MYO1E: variants seen among roughly 807,000 people sequenced by gnomAD.
The protein encoded by MYO1E is unconventional myosin-Ie.
In MYO1E, 68 loss-of-function variants were observed where a neutral mutation model predicts 151.1. The observed-to-expected ratio is 0.45, with a 90% CI of 0.37 to 0.55. The LOEUF is 0.55. Ranked by LOEUF, MYO1E falls within the 20% of genes least tolerant of loss-of-function variation. MYO1E has a pLI of 0.00. For missense variants in MYO1E, 1,363 were observed against 1,389.3 expected, an observed-to-expected ratio of 0.98 and a Z score of 0.30; for synonymous variants, 601 against 501.7, an observed-to-expected ratio of 1.20 and a Z score of -2.64.
chr15:59,339,393 T>C (rs547574742), intron 1 of MYO1E, among the ~76,000 whole-genome samples: 2 of 152,218 alleles, frequency 1.3e-5, no homozygotes, highest in South Asian at 2.1e-4. Flanking sequence ...AAATGTAAGA[T>C]AGCTTGGTTA....
At chr15:59,348,950 G>C (rs1287413394) in intron 1 of MYO1E, 5 of 152,188 alleles carry the variant, frequency 3.3e-5, no homozygotes, top group African/African-American at 9.7e-5. Context: ...ATCTTAATGA[G>C]ACACAAAAGC....
intron 18 of MYO1E, among the ~76,000 whole-genome samples, chr15:59,181,814 T>C (rs1490467238): frequency 6.6e-6 from 1 of 152,248 alleles, no homozygotes; most frequent in Non-Finnish European, 1.5e-5. Context: ...GGTATTAATA[T>C]ATCCTTTCCC....
chr15:59,334,838 A>G (rs1023485339), intron 1 of MYO1E, among the ~76,000 whole-genome samples: 1 of 152,160 alleles, frequency 6.6e-6, no homozygotes, highest in Non-Finnish European at 1.5e-5. Context: ...TGACTACAAG[A>G]ATGATTTACT....
chr15:59,221,971 G>C (rs575273897), intron 9 of MYO1E, among the ~76,000 whole-genome samples: 4 of 152,132 alleles, frequency 2.6e-5, no homozygotes, highest in Admixed American at 1.3e-4. Context: ...AAATGTCAAG[G>C]ATAATGTACA....
At chr15:59,248,206 G>A (rs68084852) in intron 4 of MYO1E, among the ~76,000 whole-genome samples, 24,329 of 149,012 alleles carry the variant, frequency 0.16, 2,671 homozygotes, top group East Asian at 0.53. Flanking sequence ...TCTATAGGCC[G>A]GGTGCGGTGG....
At chr15:59,252,713 T>C (rs2080172246) in intron 4 of MYO1E, among the ~76,000 whole-genome samples, 1 of 122,376 alleles carries the variant, frequency 8.2e-6, no homozygotes, top group African/African-American at 2.9e-5. Context: ...AGACTCTGTC[T>C]CAAAAAAAAA....
intron 5 of MYO1E, among the ~76,000 whole-genome samples, chr15:59,235,090 C>T (rs1030889836): frequency 6.6e-6 from 1 of 152,134 alleles, no homozygotes; most frequent in African/African-American, 2.4e-5. Context: ...ATTTTCACCT[C>T]TTGAGTATCC....
At chr15:59,277,374 G>A (rs1376392329) in intron 1 of MYO1E, among the ~76,000 whole-genome samples, 1 of 151,992 alleles carries the variant, frequency 6.6e-6, no homozygotes, top group Non-Finnish European at 1.5e-5. Flanking sequence ...GTGAAACCCT[G>A]TTTCTACTAA....
At chr15:59,234,468 A>G (rs550657275) in intron 5 of MYO1E, among the ~76,000 whole-genome samples, 1 of 152,198 alleles carries the variant, frequency 6.6e-6, no homozygotes, top group Non-Finnish European at 1.5e-5. Flanking sequence ...CAAAGGAGGA[A>G]TGTTTGGCTC....
chr15:59,216,150 T>G (rs890711123), intron 10 of MYO1E, among the ~76,000 whole-genome samples: 17 of 152,180 alleles, frequency 1.1e-4, no homozygotes, highest in African/African-American at 4.1e-4. Context: ...TCTTTTGGAT[T>G]GAATGGCCCC....
rs986244710 is a variant in MYO1E at position 59,157,311 on chromosome 15, C to A, written c.2878+976G>T. Among the ~76,000 whole-genome samples, 3 of 152,036 alleles carry A rather than the reference C, an allele frequency of 2.0e-5. No homozygotes were observed. In the East Asian group the frequency reaches 5.8e-4, roughly 29 times the overall value. On this transcript the variant is annotated intron_variant, in intron 25 of 27. Coordinates refer to ENST00000288235, the MANE Select transcript of MYO1E (RefSeq NM_004998.4). The stretch of plus-strand genomic sequence containing the variant: ...ATATTACTTTGTTTTTTTGAACAGG[C>A]CTCCTGAATCCTAATCTCAGAAAAT...
chr15:59,191,453 G>T lies in MYO1E; in HGVS notation c.1806-3237C>A, dbSNP rs116390063. On this transcript the variant is annotated intron_variant, in intron 17 of 27. Coordinates refer to ENST00000288235, the MANE Select transcript of MYO1E (RefSeq NM_004998.4). ...CTCTCACCCTCCAAATCTAAAACTC[G>T]CCACTGGCCTTTTCTCTAGTGAGAA... Among the ~76,000 whole-genome samples the T allele has an allele frequency of 7.6e-3, 1,150 of 151,268 alleles. 21 individuals are homozygous for T. The highest frequency in any genetic ancestry group is 0.024 in the African/African-American group (980 of 41,128).
chr15:59,161,514 T>G (rs2079538404), intron 23 of MYO1E, among the ~76,000 whole-genome samples: 1 of 152,084 alleles, frequency 6.6e-6, no homozygotes. Context: ...CTCTGTCAGG[T>G]GGTCTCAGAG....
At chr15:59,267,118 C>T (rs944938831) in intron 2 of MYO1E, among the ~76,000 whole-genome samples, 1 of 148,470 alleles carries the variant, frequency 6.7e-6, no homozygotes, top group Non-Finnish European at 1.5e-5. Context: ...CTCCGCCTCC[C>T]GGGTTCAAGC....
chr15:59,309,590 C>T (rs2080537175), intron 1 of MYO1E, among the ~76,000 whole-genome samples: 1 of 152,184 alleles, frequency 6.6e-6, no homozygotes, highest in Non-Finnish European at 1.5e-5. Context: ...TGGACGACGG[C>T]CCTAGAACCG....
In MYO1E at chr15:59,173,598, C is replaced by A. The variant is rs1388917502; in HGVS notation, c.2334+148G>T. ...CAGTGAATGTTTCTGGGCATAGGTGCCTGTTTATCTTTTGGTTTACTGTAT... is the reference window on the plus strand; with the variant it reads ...CAGTGAATGTTTCTGGGCATAGGTGACTGTTTATCTTTTGGTTTACTGTAT... On this transcript the variant is annotated intron_variant, in intron 21 of 27. Coordinates refer to ENST00000288235, the MANE Select transcript of MYO1E (RefSeq NM_004998.4). 17 of 838,718 alleles carry A rather than the reference C, an allele frequency of 2.0e-5. No individual in the cohort carries two copies. In the Admixed American group the frequency reaches 3.3e-4, roughly 16 times the overall value. 52.0% of individuals were successfully genotyped at this position (838,718 alleles called of 1,614,324 possible).
intron 4 of MYO1E, among the ~76,000 whole-genome samples, chr15:59,255,045 T>C (rs1390647525): frequency 6.6e-6 from 1 of 152,064 alleles, no homozygotes; most frequent in African/African-American, 2.4e-5. Flanking sequence ...AGGCTGGTCT[T>C]GAACTCCTGA....
intron 1 of MYO1E, among the ~76,000 whole-genome samples, chr15:59,336,502 T>G (rs1452318414): frequency 6.6e-6 from 1 of 152,232 alleles, no homozygotes; most frequent in African/African-American, 2.4e-5. Context: ...ATTATGTGTT[T>G]TTAATAGTAC....
At chr15:59,294,774 C>T (rs1048001031) in intron 1 of MYO1E, among the ~76,000 whole-genome samples, 1 of 152,186 alleles carries the variant, frequency 6.6e-6, no homozygotes, top group Non-Finnish European at 1.5e-5. Flanking sequence ...ACTCTCCTTG[C>T]CAGTGCTATT....
Sources: allele counts gnomAD v4.1 joint callset (sites outside exome capture counted in the v4.1 genomes callset), GRCh38; gene constraint gnomAD v4.1.1; transcripts MANE v1.5; gene names NCBI Gene and HGNC (gene_info 2026-07-23, HGNC 2026-07-21).